Variants in MED26 observed in about 807,000 individuals in gnomAD.
The protein encoded by MED26 is mediator of RNA polymerase II transcription subunit 26.
In MED26, 7 loss-of-function variants were observed where a neutral mutation model predicts 43.7. The ratio of observed to expected loss-of-function variants is 0.16; its 90% CI spans 0.09 to 0.30. The LOEUF (loss-of-function observed/expected upper bound fraction) is 0.30, where lower values mean the gene tolerates loss of function less well. Among genes scored for constraint, MED26 ranks in the 10% least tolerant of loss-of-function variants. The pLI, the probability that MED26 is intolerant of heterozygous loss-of-function variation, is 1.00. For missense variants in MED26, 784 were observed against 840.6 expected (o/e 0.93, Z 0.83); for synonymous variants, 375 against 371.1 (o/e 1.01, Z -0.12).
At chr19:16,602,364 T>G (rs982727846) in intron 1 of MED26, among the ~76,000 whole-genome samples, 1 of 152,204 alleles carries the variant, frequency 6.6e-6, no homozygotes, top group Non-Finnish European at 1.5e-5. Flanking sequence ...GCACACAGCC[T>G]GGAACCATAA....
In MED26 at chr19:16,576,081, A is replaced by G. The variant is rs2085995498; in HGVS notation, c.1749T>C (p.Asp583=). 6.2e-7 allele frequency: 1 copy of G among 1,613,658 alleles called. No individual in the cohort carries two copies. The highest frequency in any genetic ancestry group is 1.1e-5 in the South Asian group (1 of 91,088). ...TCAAGCGCCCGTCGTCGCCGTGCGG[A>G]TCGAGCGATATGCACTGCGTCCAGT... ...WYDWTQCISL[D]PHGDDGRLNI... is the part of the protein sequence containing the mutation. The change falls in exon 3 of 3, where the codon GAT becomes GAC. Residue 583 remains aspartate, a synonymous_variant. Coordinates refer to ENST00000263390, the MANE Select transcript of MED26 (RefSeq NM_004831.5). The surrounding 1 kb of genome is among the most constrained non-coding windows in gnomAD (Gnocchi z 6.8).
Position 16,576,177 on chromosome 19 carries a change from A to G in MED26, c.1653T>C (p.Asp551=), listed in dbSNP as rs148231218. The G allele has an allele frequency of 3.1e-6, 5 of 1,613,116 alleles. No homozygotes were observed. In the African/African-American group the frequency reaches 5.3e-5, roughly 17 times the overall value. Residue 551 remains aspartate (D), a synonymous_variant, in exon 3 of 3, where the codon GAT becomes GAC. Transcript: ENST00000263390. The surrounding 1 kb of genome is among the most constrained non-coding windows in gnomAD (Gnocchi z 6.8). ...ACTGGCTGGCCTGGATTCTGTCGAG[A>G]TCGTCCTGTGTGACCTCCCGGGTCA... The part of the protein sequence containing the change: ...PGLTREVTQD[D]LDRIQASQWP...
At chr19:16,624,735 C>A (rs2086266320) in intron 1 of MED26, 1 of 152,230 alleles carries the variant, frequency 6.6e-6, no homozygotes, top group African/African-American at 2.4e-5. Context: ...CGACTGAACT[C>A]TTGGGCATAA....
At position 16,576,413 on chromosome 19, in the gene MED26, C is replaced by T. The variant is rs145561987; in HGVS notation, c.1417G>A (p.Glu473Lys). ...GACAGCTCCTTCCAGTTCGTCTGTTCGAAGGGGCTCTGGAGGCTGGCCTTG... is the reference window on the plus strand; with the variant it reads ...GACAGCTCCTTCCAGTTCGTCTGTTTGAAGGGGCTCTGGAGGCTGGCCTTG... ...EAKASLQSPF[E>K]QTNWKELSRN... Residue 473 changes from glutamate (E) to lysine (K), a missense_variant, in exon 3 of 3, where the codon GAA (glutamate) becomes AAA (lysine). Transcript: ENST00000263390. The surrounding 1 kb of genome is among the most constrained non-coding windows in gnomAD (Gnocchi z 6.8). 4.3e-6 allele frequency: 7 copies of T among 1,614,020 alleles called. No homozygotes were observed. Among genetic ancestry groups the T allele is most frequent in the African/African-American group, 2.7e-5 (2 of 74,912 alleles).
intron 1 of MED26, among the ~76,000 whole-genome samples, chr19:16,623,068 C>A (rs996012872): frequency 7.2e-5 from 11 of 152,178 alleles, no homozygotes; most frequent in Non-Finnish European, 1.5e-4. Context: ...CTTGGACAGT[C>A]CTCCAGGGCT....
At chr19:16,618,392 C>T (rs190797712) in intron 1 of MED26, among the ~76,000 whole-genome samples, 352 of 152,286 alleles carry the variant, frequency 2.3e-3, no homozygotes, top group South Asian at 3.9e-3. Context: ...TGTCTCCAGC[C>T]CAGGACAGGA....
chr19:16,584,099 A>C (rs919099976), intron 1 of MED26, among the ~76,000 whole-genome samples: 1 of 151,962 alleles, frequency 6.6e-6, no homozygotes, highest in South Asian at 2.1e-4. Context: ...AGAACTTAAA[A>C]AGGCTTCCAC....
At position 16,576,367 on chromosome 19, in the gene MED26, G is replaced by A; in HGVS notation, c.1463C>T (p.Ser488Phe). ...CAGGCTGCTCTGCCGGCTCAGGTAG[G>A]ACTGGATGATCTCGTTGCGTGACAG... The part of the protein sequence containing the change: ...KELSRNEIIQ[S>F]YLSRQSSLLS... The change falls in exon 3 of 3, where the codon TCC becomes TTC. Residue 488 changes from serine (S) to phenylalanine (F), a missense_variant. Ser to Phe is a radical substitution (Grantham distance 155, BLOSUM62 -2). Transcript: ENST00000263390. This position sits in a 1 kb window ranked among gnomAD's most constrained non-coding sequence, Gnocchi z 6.8. 1.2e-6 allele frequency: 2 copies of A among 1,614,140 alleles called. No homozygotes were observed. Among genetic ancestry groups the A allele is most frequent in the African/African-American group, 2.7e-5 (2 of 75,048 alleles).
At chr19:16,611,608 A>C (rs1229517029) in intron 1 of MED26, 1 of 152,106 alleles carries the variant, frequency 6.6e-6, no homozygotes, top group African/African-American at 2.4e-5. Flanking sequence ...CCCAACCAAC[A>C]CAAGTGCTTC....
intron 1 of MED26, among the ~76,000 whole-genome samples, chr19:16,618,081 C>G (rs1057192050): frequency 1.3e-5 from 2 of 152,160 alleles, no homozygotes; most frequent in African/African-American, 4.8e-5. Context: ...CCAGGAAACA[C>G]AGGTACGAGT....
Position 16,596,774 on chromosome 19 carries a change from A to T in MED26, c.73-18365T>A, listed in dbSNP as rs548821947. 6.9e-4 allele frequency among the ~76,000 whole-genome samples: 105 copies of T among 152,250 alleles called. 2 individuals are homozygous for T. In the South Asian group the frequency reaches 0.021, roughly 31 times the overall value. ...GACAGGACCTGGGGTAAGGTCTTCC[A>T]AGACTCCTCCAGGTGTCTTGGGCAA... On this transcript the variant is annotated intron_variant, in intron 1 of 2. Transcript: ENST00000263390.
intron 1 of MED26, among the ~76,000 whole-genome samples, chr19:16,590,794 T>C (rs968256690): frequency 6.6e-6 from 1 of 152,100 alleles, no homozygotes; most frequent in African/African-American, 2.4e-5. Flanking sequence ...TCCAAGCACT[T>C]TGGGAGGTGG....
At chr19:16,618,888 G>A (rs1002487420) in intron 1 of MED26, among the ~76,000 whole-genome samples, 3 of 152,230 alleles carry the variant, frequency 2.0e-5, no homozygotes, top group South Asian at 2.1e-4. Context: ...TCGGGAGTTC[G>A]GTGAGGGAAA....
intron 1 of MED26, among the ~76,000 whole-genome samples, chr19:16,579,328 T>C (rs1328747173): frequency 6.6e-6 from 1 of 152,136 alleles, no homozygotes; most frequent in African/African-American, 2.4e-5. Context: ...GTGCTGATGC[T>C]CAGCCTCTCA....
At chr19:16,606,658 C>T (rs756756492) in intron 1 of MED26, among the ~76,000 whole-genome samples, 6 of 152,228 alleles carry the variant, frequency 3.9e-5, no homozygotes, top group East Asian at 3.8e-4. Context: ...GCATTAGCCA[C>T]GATGAAACCT....
In MED26 at chr19:16,576,851, G is replaced by C; in HGVS notation, c.979C>G (p.Arg327Gly). The C allele has an allele frequency of 1.2e-6, 2 of 1,610,760 alleles. No homozygotes were observed. The highest frequency in any genetic ancestry group is 1.7e-6 in the Non-Finnish European group (2 of 1,178,786). ...PLAQPSTPPV[R>G]RLELLPSAES... ...GCACTGGGCAGCAGCTCGAGCCGCCGTACGGGGGGTGTGGACGGCTGTGCC... is the reference window on the plus strand; with the variant it reads ...GCACTGGGCAGCAGCTCGAGCCGCCCTACGGGGGGTGTGGACGGCTGTGCC... The change falls in exon 3 of 3, where the codon CGG becomes GGG. Residue 327 changes from arginine to glycine, a missense_variant. Physicochemically the swap from Arg to Gly is moderately radical, Grantham distance 125. Transcript: ENST00000263390. This position sits in a 1 kb window ranked among gnomAD's most constrained non-coding sequence, Gnocchi z 6.8.
At chr19:16,592,496 C>T (rs1193355135) in intron 1 of MED26, among the ~76,000 whole-genome samples, 1 of 152,206 alleles carries the variant, frequency 6.6e-6, no homozygotes, top group African/African-American at 2.4e-5. Context: ...GGGACAATGG[C>T]ATCTGGCAGA....
In MED26 at chr19:16,627,973, G is replaced by T; in HGVS notation, c.-30C>A. ...TGGGCGAGGCGGGGGGTTGCGGCCG[G>T]GCCAGCGGGCGGGCGGGCTGAGGCG... is the stretch of plus-strand genomic sequence containing the variant. On this transcript the variant is annotated 5_prime_UTR_variant, in exon 1 of 3. Transcript: ENST00000263390. 1.4e-6 allele frequency: 2 copies of T among 1,412,994 alleles called. No individual in the cohort carries two copies. Among genetic ancestry groups the T allele is most frequent in the South Asian group, 2.9e-5 (2 of 70,118 alleles). The allele number at this position is 1,412,994 out of a possible 1,614,324, so 87.5% of individuals were successfully genotyped here. A position where few individuals can be genotyped will look rare whatever the true frequency, so the allele number is the denominator to read the frequency against.
chr19:16,605,232 G>T (rs1335367077), intron 1 of MED26, among the ~76,000 whole-genome samples: 1 of 152,216 alleles, frequency 6.6e-6, no homozygotes, highest in East Asian at 1.9e-4. Flanking sequence ...ATGTACACCT[G>T]AAATAGGCAC....
Sources: allele counts gnomAD v4.1 joint callset (sites outside exome capture counted in the v4.1 genomes callset), GRCh38; gene constraint gnomAD v4.1.1; non-coding constraint Gnocchi (gnomAD v3.1); transcripts MANE v1.5; gene names NCBI Gene and HGNC (gene_info 2026-07-23, HGNC 2026-07-21).